Variants in NBEA observed in about 807,000 individuals in gnomAD.
The protein encoded by NBEA is lysosomal-trafficking regulator 2.
A neutral mutation model predicts 343.4 loss-of-function variants in NBEA; 44 were observed. That is an observed-to-expected ratio of 0.13 (90% confidence interval 0.10 to 0.16). The LOEUF (loss-of-function observed/expected upper bound fraction) is 0.16, where lower values mean the gene tolerates loss of function less well. Among genes scored for constraint, NBEA ranks in the 10% least tolerant of loss-of-function variants. The probability of loss-of-function intolerance (pLI) is 1.00; values close to 1 mark genes in which losing one functional copy is unlikely to be tolerated. For synonymous variants in NBEA, 1,175 were observed against 1,238.7 expected, an observed-to-expected ratio of 0.95 and a Z score of 1.08; for missense variants, 2,555 against 3,631.3, an observed-to-expected ratio of 0.70 and a Z score of 7.62.
At chr13:35,091,032 T>A (rs1189472579) in intron 10 of NBEA, among the ~76,000 whole-genome samples, 1 of 151,968 alleles carries the variant, frequency 6.6e-6, no homozygotes, top group African/African-American at 2.4e-5. Flanking sequence ...CCTCTAGTTC[T>A]GAGTGCCCTG....
intron 31 of NBEA, among the ~76,000 whole-genome samples, chr13:35,205,626 T>A (rs2073338833): frequency 6.6e-6 from 1 of 152,076 alleles, no homozygotes; most frequent in Non-Finnish European, 1.5e-5. Context: ...AAACTACACG[T>A]ATGAGATATG....
intron 2 of NBEA, among the ~76,000 whole-genome samples, chr13:35,044,628 G>A (rs899866322): frequency 6.6e-6 from 1 of 151,514 alleles, no homozygotes; most frequent in Non-Finnish European, 1.5e-5. Flanking sequence ...GTGTGTGTGT[G>A]TGTGTGTGTG....
intron 1 of NBEA, among the ~76,000 whole-genome samples, chr13:35,014,048 G>A (rs1018958119): frequency 1.3e-5 from 2 of 152,032 alleles, no homozygotes; most frequent in African/African-American, 2.4e-5. Context: ...TTTGTTGAAA[G>A]CTTTTTAAAA....
chr13:35,113,247 G>A (rs758812581), intron 13 of NBEA, among the ~76,000 whole-genome samples: 4 of 151,926 alleles, frequency 2.6e-5, no homozygotes, highest in Admixed American at 6.6e-5. Context: ...AAGTCATATT[G>A]TATCTGTCTC....
intron 31 of NBEA, among the ~76,000 whole-genome samples, chr13:35,199,076 T>C (rs1209129188): frequency 1.3e-5 from 2 of 151,958 alleles, no homozygotes; most frequent in African/African-American, 2.4e-5. Context: ...ATTCAATAGA[T>C]TGAGAGTGAC....
chr13:35,132,145 T>G (rs1207457115), intron 17 of NBEA, among the ~76,000 whole-genome samples: 1 of 152,168 alleles, frequency 6.6e-6, no homozygotes, highest in African/African-American at 2.4e-5. Context: ...ATGAATGTTC[T>G]TAGTACTATT....
chr13:35,340,990 T>G (rs2039553994), intron 36 of NBEA, among the ~76,000 whole-genome samples: 1 of 152,038 alleles, frequency 6.6e-6, no homozygotes, highest in African/African-American at 2.4e-5. Context: ...ATTTCAAAAC[T>G]TAATACAAAG....
At chr13:34,998,424 A>AG (rs1396225497) in intron 1 of NBEA, among the ~76,000 whole-genome samples, 69 of 152,280 alleles carry the variant, frequency 4.5e-4, no homozygotes, top group African/African-American at 1.5e-3. Context: ...AAAATTTTTT[A>AG]GGTGGGAATT....
chr13:35,158,228 A>AG (rs1450879597), intron 21 of NBEA, among the ~76,000 whole-genome samples: 1 of 152,142 alleles, frequency 6.6e-6, no homozygotes, highest in African/African-American at 2.4e-5. Context: ...TATTCTTTAA[A>AG]GGATGGTCCC....
chr13:35,448,305 G>A (rs2152942544), intron 39 of NBEA, among the ~76,000 whole-genome samples: 1 of 152,110 alleles, frequency 6.6e-6, no homozygotes, highest in Non-Finnish European at 1.5e-5. Context: ...CTTTTTTACT[G>A]ACAAAGATTA....
rs991763117 is a variant in NBEA at position 34,965,883 on chromosome 13, G to A, written c.294+22769G>A. 3.9e-5 allele frequency among the ~76,000 whole-genome samples: 6 copies of A among 151,950 alleles called. No homozygotes were observed. In the South Asian group the frequency reaches 8.3e-4, roughly 21 times the overall value. On this transcript the variant is annotated intron_variant, in intron 1 of 58. Coordinates refer to ENST00000379939, the MANE Select transcript of NBEA (RefSeq NM_001385012.1). ...TTATCTGTTGTTGTTTGTTTGTACC[G>A]AATGTAATAAAATGATAATGTAGTT...
chr13:34,952,809 T>G (rs1392420666), intron 1 of NBEA, among the ~76,000 whole-genome samples: 2 of 152,200 alleles, frequency 1.3e-5, no homozygotes, highest in Admixed American at 1.3e-4. Context: ...AAAGATGGTA[T>G]ATAAATATTT....
intron 48 of NBEA, among the ~76,000 whole-genome samples, chr13:35,612,891 T>G (rs1432064693): frequency 6.6e-6 from 1 of 152,052 alleles, no homozygotes; most frequent in South Asian, 2.1e-4. Flanking sequence ...AGTGAGAACT[T>G]TTTAGAAGCA....
chr13:35,297,781 A>G (rs1318601141), intron 35 of NBEA, among the ~76,000 whole-genome samples: 2 of 151,932 alleles, frequency 1.3e-5, no homozygotes, highest in Non-Finnish European at 2.9e-5. Flanking sequence ...GAGTTATTTT[A>G]TAAATAAAAA....
At chr13:35,583,796 G>A (rs901357018) in intron 45 of NBEA, 102 bp from the exon 46 acceptor site, 2 of 833,668 alleles carry the variant, frequency 2.4e-6, no homozygotes, top group Non-Finnish European at 3.7e-6. Context: ...TATGCTGTAT[G>A]GCTAAAATGA....
At chr13:35,619,167 TAAG>T (rs1026991545) in intron 48 of NBEA, among the ~76,000 whole-genome samples, 17 of 151,774 alleles carry the variant, frequency 1.1e-4, no homozygotes, top group African/African-American at 2.9e-4. Context: ...GCAAATAACA[TAAG>T]AATTTTTGGA....
intron 43 of NBEA, among the ~76,000 whole-genome samples, chr13:35,552,133 T>G (rs889850502): frequency 1.3e-5 from 2 of 152,220 alleles, no homozygotes; most frequent in African/African-American, 4.8e-5. Context: ...GTTATGTCCT[T>G]GAGAATTATT....
chr13:35,287,993 G>A (rs1235749491), intron 34 of NBEA, among the ~76,000 whole-genome samples: 2 of 151,950 alleles, frequency 1.3e-5, no homozygotes, highest in Non-Finnish European at 2.9e-5. Flanking sequence ...ATTAAAATAT[G>A]GGCACTTGGG....
intron 44 of NBEA, among the ~76,000 whole-genome samples, chr13:35,563,872 CATT>C (rs1456475534): frequency 2.8e-5 from 1 of 35,878 alleles, no homozygotes. Context: ...CCTAAAATAG[CATT>C]ATTTTTTTTT....
Sources: gnomAD v4.1 joint callset for allele counts (sites outside exome capture counted in the v4.1 genomes callset) on GRCh38, gnomAD v4.1.1 for gene constraint, MANE v1.5 for transcripts, NCBI Gene and HGNC (gene_info 2026-07-23, HGNC 2026-07-21) for gene names.